The following PALM2AKAP2 variants were observed in gnomAD, a reference collection of about 807,000 sequenced individuals.
The protein encoded by PALM2AKAP2 is PALM2 and AKAP2 fusion.
PALM2AKAP2 carries 37 observed loss-of-function variants against 71.5 expected under a neutral mutation model. The ratio of observed to expected loss-of-function variants is 0.52; its 90% CI spans 0.40 to 0.68. The LOEUF is 0.68. Among genes scored for constraint, PALM2AKAP2 ranks in the 30% least tolerant of loss-of-function variants. The probability of loss-of-function intolerance (pLI) is 0.00; values close to 1 mark genes in which losing one functional copy is unlikely to be tolerated. For synonymous variants in PALM2AKAP2, 468 were observed against 478.8 expected (o/e 0.98, Z 0.29); for missense variants, 1,224 against 1,191.8 (o/e 1.03, Z -0.40).
rs144412156 is a variant in PALM2AKAP2, at chr9:110,065,664, C to T, written c.156+16809C>T. Reference sequence around the variant, plus strand: ...CCATCCATTCACAGAACTCTTTCAACTTGCAAAACTGAAACTGTATGCATT... The same window carrying T: ...CCATCCATTCACAGAACTCTTTCAATTTGCAAAACTGAAACTGTATGCATT... On this transcript the variant is annotated intron_variant, in intron 1 of 3. Coordinates refer to ENST00000374525, the Ensembl canonical transcript of PALM2AKAP2. Among the ~76,000 whole-genome samples the T allele has an allele frequency of 3.7e-3, 562 of 152,336 alleles. 5 individuals carry two copies. Among genetic ancestry groups the T allele is most frequent in the African/African-American group, 0.013 (543 of 41,576 alleles).
intron 1 of PALM2AKAP2, among the ~76,000 whole-genome samples, chr9:110,124,585 T>A (rs1412337896): frequency 6.6e-5 from 10 of 152,214 alleles, no homozygotes; most frequent in African/African-American, 2.4e-4. Flanking sequence ...CAGGGGGCAC[T>A]GATAAACACG....
At chr9:110,100,055 A>C (rs1239387510) in intron 1 of PALM2AKAP2, among the ~76,000 whole-genome samples, 2 of 115,446 alleles carry the variant, frequency 1.7e-5, no homozygotes, top group African/African-American at 1.1e-4. Flanking sequence ...GTGTGTCTAT[A>C]TATATATATA....
intron 1 of PALM2AKAP2, chr9:110,090,068 G>T: frequency 4.7e-6 from 1 of 212,736 alleles, no homozygotes; most frequent in South Asian, 6.9e-5. Flanking sequence ...CTGTGTAAAC[G>T]TAAATACACT....
intron 6 of PALM2AKAP2, among the ~76,000 whole-genome samples, chr9:110,012,802 G>T (rs1421740914): frequency 6.6e-6 from 1 of 152,044 alleles, no homozygotes; most frequent in Admixed American, 6.6e-5. Context: ...GCTTACAAAA[G>T]GAATGATTGT....
At chr9:110,148,222 G>A (rs917083789) in intron 2 of PALM2AKAP2, among the ~76,000 whole-genome samples, 2 of 152,050 alleles carry the variant, frequency 1.3e-5, no homozygotes, top group Non-Finnish European at 2.9e-5. Context: ...TGCTTGCCCT[G>A]TAAGAGCAGA....
chr9:109,717,732 GCT>G lies in PALM2AKAP2; in HGVS notation c.6-62755_6-62754del, dbSNP rs1370030355. On this transcript the variant is annotated intron_variant, in intron 1 of 6. Coordinates refer to the PALM2AKAP2 transcript ENST00000374531. Reference sequence around the variant, plus strand: ...CCTACAAAGCCTTTCCCTGAGGAGAGCTTGCAGGTTGGGCAGCCTAAGCCCTC... The same window carrying G: ...CCTACAAAGCCTTTCCCTGAGGAGAGTGCAGGTTGGGCAGCCTAAGCCCTC... Among the ~76,000 whole-genome samples the G allele has an allele frequency of 2.6e-5, 4 of 152,346 alleles. No homozygotes were observed. The East Asian group carries it at 7.7e-4, about 29-fold the overall frequency.
chr9:109,669,036 G>C (rs1051121685), intron 1 of PALM2AKAP2, among the ~76,000 whole-genome samples: 3 of 152,186 alleles, frequency 2.0e-5, no homozygotes, highest in African/African-American at 4.8e-5. Flanking sequence ...CCTCAAGTCT[G>C]CTTAGCACTG....
At chr9:109,662,335 T>C (rs1372241319) in intron 1 of PALM2AKAP2, among the ~76,000 whole-genome samples, 3 of 152,204 alleles carry the variant, frequency 2.0e-5, no homozygotes, top group Non-Finnish European at 4.4e-5. Flanking sequence ...TTTTGAAATA[T>C]GTTCCATCAG....
At chr9:109,880,516 ATCATCTTG>A in intron 2 of PALM2AKAP2, 27 bp from the exon 3 acceptor site, 1 of 1,610,638 alleles carries the variant, frequency 6.2e-7, no homozygotes, top group Non-Finnish European at 8.5e-7. Flanking sequence ...ACTGAAAAGT[ATCATCTTG>A]TCTGTTGTCT....
At chr9:109,700,029 C>T (rs1269904765) in intron 1 of PALM2AKAP2, among the ~76,000 whole-genome samples, 1 of 152,180 alleles carries the variant, frequency 6.6e-6, no homozygotes, top group Non-Finnish European at 1.5e-5. Context: ...CCACCTCAGC[C>T]TCCCAGATTG....
Position 110,162,180 on chromosome 9 carries a change from G to A in PALM2AKAP2, c.2748+5683G>A, listed in dbSNP as rs766243734. 9 of 1,607,058 alleles carry A rather than the reference G, an allele frequency of 5.6e-6. No homozygotes were observed. The East Asian group carries it at 2.0e-4, about 36-fold the overall frequency. On this transcript the variant is annotated intron_variant, in intron 3 of 3. Transcript: ENST00000374525. ...TGGTCTTACTGAATGCATGATCCAG[G>A]TGCATGCTGTTGTGGTTTGCCATTT...
chr9:109,693,928 T>C (rs1251215684), intron 1 of PALM2AKAP2, among the ~76,000 whole-genome samples: 6 of 152,064 alleles, frequency 3.9e-5, no homozygotes, highest in African/African-American at 7.2e-5. Context: ...GTGTGTTCTT[T>C]ACCACAACAG....
intron 6 of PALM2AKAP2, among the ~76,000 whole-genome samples, chr9:109,953,359 G>GT (rs1209474418): frequency 6.6e-6 from 1 of 152,180 alleles, no homozygotes; most frequent in Non-Finnish European, 1.5e-5. Context: ...CATCAACTTT[G>GT]TAATGTAGCC....
intron 6 of PALM2AKAP2, among the ~76,000 whole-genome samples, chr9:110,010,394 A>G (rs2132316378): frequency 2.0e-5 from 3 of 150,364 alleles, no homozygotes; most frequent in African/African-American, 7.3e-5. Flanking sequence ...TGCAGTATAT[A>G]GAAGTATAAT....
chr9:109,789,053 G>C (rs1417735392), intron 1 of PALM2AKAP2, among the ~76,000 whole-genome samples: 5 of 152,218 alleles, frequency 3.3e-5, no homozygotes, highest in Non-Finnish European at 7.3e-5. Context: ...GACAACACCG[G>C]TTTGGAAGGT....
At chr9:109,784,310 A>C (rs752392666) in intron 1 of PALM2AKAP2, among the ~76,000 whole-genome samples, 1 of 152,240 alleles carries the variant, frequency 6.6e-6, no homozygotes, top group Non-Finnish European at 1.5e-5. Flanking sequence ...AGTACTATGA[A>C]AATGAGCATC....
At chr9:109,903,941 A>C (rs1830386036) in intron 3 of PALM2AKAP2, among the ~76,000 whole-genome samples, 1 of 152,244 alleles carries the variant, frequency 6.6e-6, no homozygotes, top group South Asian at 2.1e-4. Context: ...TCAGTTTAAC[A>C]TCAGAATCTA....
At chr9:109,879,531 A>G (rs1466669844) in intron 2 of PALM2AKAP2, among the ~76,000 whole-genome samples, 2 of 150,912 alleles carry the variant, frequency 1.3e-5, no homozygotes, top group African/African-American at 2.4e-5. Context: ...TCTCACATCT[A>G]CCTCTCCTTG....
intron 7 of PALM2AKAP2, among the ~76,000 whole-genome samples, chr9:110,039,880 G>A (rs1010713250): frequency 2.0e-5 from 3 of 152,050 alleles, no homozygotes; most frequent in Admixed American, 2.0e-4. Flanking sequence ...TATGTTATCT[G>A]TCTGGCTTCC....
Sources: allele counts gnomAD v4.1 joint callset (sites outside exome capture counted in the v4.1 genomes callset), GRCh38; gene constraint gnomAD v4.1.1; transcripts MANE v1.5; gene names NCBI Gene and HGNC (gene_info 2026-07-23, HGNC 2026-07-21).